The following RBFOX1 variants were observed in gnomAD, a reference collection of about 807,000 sequenced individuals.
RBFOX1 encodes RNA binding fox-1 homolog 1.
RBFOX1 carries 8 observed loss-of-function variants against 57.7 expected under a neutral mutation model. The ratio of observed to expected loss-of-function variants is 0.14; its 90% confidence interval spans 0.08 to 0.25. The LOEUF (loss-of-function observed/expected upper bound fraction) is 0.25, where lower values mean the gene tolerates loss of function less well. Among genes scored for constraint, RBFOX1 ranks in the 10% least tolerant of loss-of-function variants. The pLI, the probability that RBFOX1 is intolerant of heterozygous loss-of-function variation, is 1.00. For synonymous variants in RBFOX1, 326 were observed against 222.4 expected (o/e 1.47, Z -4.15); for missense variants, 611 against 548.5 (o/e 1.11, Z -1.14).
chr16:5,352,749 C>T lies in RBFOX1; in HGVS notation c.219+112644C>T, dbSNP rs138007274. Among the ~76,000 whole-genome samples the T allele has an allele frequency of 1.6e-4, 25 of 152,114 alleles. No homozygotes were observed. In the East Asian group the frequency reaches 4.7e-3, roughly 28 times the overall value. ...CTTGAGCCCAGGAGTTTAAAATCAG[C>T]CTGGGCAACATGGCAGAAACCTGTC... On this transcript the variant is annotated intron_variant, in intron 1 of 2. Coordinates refer to the RBFOX1 transcript ENST00000585867.
intron 4 of RBFOX1, among the ~76,000 whole-genome samples, chr16:7,128,798 G>A (rs1484656181): frequency 1.3e-5 from 2 of 148,996 alleles, no homozygotes; most frequent in East Asian, 4.0e-4. Context: ...TGACATAATG[G>A]TAACTTTTTT....
At chr16:7,222,671 A>T (rs2881438) in intron 4 of RBFOX1, among the ~76,000 whole-genome samples, 25,423 of 152,124 alleles carry the variant, frequency 0.17, 2,569 homozygotes, top group Non-Finnish European at 0.21. Context: ...TTTGTTCCTT[A>T]TAAGGTTGTC....
chr16:6,674,436 C>G (rs1007309533), intron 3 of RBFOX1, among the ~76,000 whole-genome samples: 4 of 152,086 alleles, frequency 2.6e-5, no homozygotes, highest in African/African-American at 9.6e-5. Context: ...ATTCTCCTGC[C>G]CCAGTCTCCT....
At chr16:6,901,405 C>T (rs923097939) in intron 3 of RBFOX1, among the ~76,000 whole-genome samples, 1 of 152,124 alleles carries the variant, frequency 6.6e-6, no homozygotes, top group Non-Finnish European at 1.5e-5. Flanking sequence ...TTCCTACTAC[C>T]TTTGGGGAAG....
chr16:6,341,884 C>T lies in RBFOX1; in HGVS notation c.-64+24827C>T, dbSNP rs527559117. 2.4e-4 allele frequency among the ~76,000 whole-genome samples: 36 copies of T among 152,244 alleles called. 1 individual carries two copies. Among genetic ancestry groups the T allele is most frequent in the African/African-American group, 7.5e-4 (31 of 41,560 alleles). On this transcript the variant is annotated intron_variant, in intron 2 of 15. Transcript: ENST00000550418. ...GACTGCTTTCTGGTGACACTTTTAACGATTCTCGTGATTCCACTGAACCCA... is the reference window on the plus strand; with the variant it reads ...GACTGCTTTCTGGTGACACTTTTAATGATTCTCGTGATTCCACTGAACCCA...
chr16:5,415,471 C>T (rs755508642), intron 1 of RBFOX1, among the ~76,000 whole-genome samples: 12 of 152,184 alleles, frequency 7.9e-5, no homozygotes, highest in Non-Finnish European at 1.6e-4. Context: ...AACCATATCA[C>T]ACGGTGATGG....
chr16:5,934,232 C>G (rs1045743985), intron 4 of RBFOX1, among the ~76,000 whole-genome samples: 1 of 152,208 alleles, frequency 6.6e-6, no homozygotes, highest in South Asian at 2.1e-4. Context: ...CAGATTGGTG[C>G]AAACACAGCT....
chr16:5,926,139 G>A (rs1215401826), intron 4 of RBFOX1, among the ~76,000 whole-genome samples: 1 of 152,146 alleles, frequency 6.6e-6, no homozygotes, highest in African/African-American at 2.4e-5. Flanking sequence ...CTCTTCCAGT[G>A]AAAAGGGAAG....
At chr16:6,752,100 C>T (rs930269599) in intron 3 of RBFOX1, among the ~76,000 whole-genome samples, 7 of 152,124 alleles carry the variant, frequency 4.6e-5, no homozygotes, top group Admixed American at 4.6e-4. Flanking sequence ...ACTCCGGTGA[C>T]CCACTGCCTG....
intron 3 of RBFOX1, among the ~76,000 whole-genome samples, chr16:7,000,573 TC>T (rs1216498299): frequency 6.6e-4 from 93 of 140,930 alleles, no homozygotes; most frequent in African/African-American, 2.5e-3. Flanking sequence ...AGTTTTCTTT[TC>T]TTTTTTTCTT....
At position 7,475,867 on chromosome 16, in the gene RBFOX1, T is replaced by G. The variant is rs149900796; in HGVS notation, c.28-42280T>G. ...AAGTTGTGAGGTAGCATTTATTTGGTGCTTACTATGTCCCAGGAAGTGGGG... is the reference window on the plus strand; with the variant it reads ...AAGTTGTGAGGTAGCATTTATTTGGGGCTTACTATGTCCCAGGAAGTGGGG... On this transcript the variant is annotated intron_variant, in intron 4 of 15. Transcript: ENST00000550418. 2.0e-5 allele frequency among the ~76,000 whole-genome samples: 3 copies of G among 152,374 alleles called. No homozygotes were observed. In the East Asian group the frequency reaches 5.8e-4, roughly 29 times the overall value.
rs543855740 is a variant in RBFOX1, at chr16:7,347,498, C to T, written c.28-170649C>T. Among the ~76,000 whole-genome samples the T allele has an allele frequency of 7.9e-4, 121 of 152,206 alleles. 3 individuals carry two copies. The highest frequency in any genetic ancestry group is 3.5e-3 in the Admixed American group (53 of 15,284). ...TTCCCACCAGGTTCCTGTCATGACACGTGGGAATCGTGGGAGATACAATTC... is the reference window on the plus strand; with the variant it reads ...TTCCCACCAGGTTCCTGTCATGACATGTGGGAATCGTGGGAGATACAATTC... On this transcript the variant is annotated intron_variant, in intron 4 of 15. Transcript: ENST00000550418.
chr16:7,490,010 G>A (rs1567466528), intron 4 of RBFOX1, among the ~76,000 whole-genome samples: 2 of 152,066 alleles, frequency 1.3e-5, no homozygotes, highest in South Asian at 4.2e-4. Context: ...CTTTTGAATG[G>A]ACAGAAAGGT....
chr16:6,000,541 CTA>C (rs1488949697), intron 4 of RBFOX1, among the ~76,000 whole-genome samples: 1 of 152,122 alleles, frequency 6.6e-6, no homozygotes, highest in African/African-American at 2.4e-5. Context: ...GGCGAAAACT[CTA>C]TGTTTTCCTT....
chr16:7,483,546 C>T (rs886122490), intron 4 of RBFOX1, among the ~76,000 whole-genome samples: 1 of 152,136 alleles, frequency 6.6e-6, no homozygotes, highest in Non-Finnish European at 1.5e-5. Context: ...GGATGCCAAC[C>T]TTGTTATCTA....
chr16:6,079,229 T>C (rs1206517691), intron 1 of RBFOX1, among the ~76,000 whole-genome samples: 4 of 152,170 alleles, frequency 2.6e-5, no homozygotes, highest in Non-Finnish European at 4.4e-5. Context: ...TTGCTTGAAC[T>C]GGGGAGGTGG....
intron 4 of RBFOX1, among the ~76,000 whole-genome samples, chr16:7,061,184 C>T (rs1281059778): frequency 6.6e-6 from 1 of 152,192 alleles, no homozygotes; most frequent in Non-Finnish European, 1.5e-5. Flanking sequence ...CTAGAAGCTG[C>T]AGGAACTCAG....
At chr16:5,682,352 T>C (rs538858552) in intron 3 of RBFOX1, among the ~76,000 whole-genome samples, 1 of 152,282 alleles carries the variant, frequency 6.6e-6, no homozygotes, top group East Asian at 1.9e-4. Context: ...AAACCTAGTA[T>C]TTAATATAAA....
At chr16:6,046,850 C>T (rs1367590797) in intron 1 of RBFOX1, among the ~76,000 whole-genome samples, 1 of 152,106 alleles carries the variant, frequency 6.6e-6, no homozygotes, top group East Asian at 1.9e-4. Context: ...CAGAGGGACA[C>T]ATTGTGAGGA....
Sources: gnomAD v4.1 joint callset for allele counts (sites outside exome capture counted in the v4.1 genomes callset) on GRCh38, gnomAD v4.1.1 for gene constraint, MANE v1.5 for transcripts, NCBI Gene and HGNC (gene_info 2026-07-23, HGNC 2026-07-21) for gene names.